The following PTPRM variants were observed in gnomAD, a reference collection of about 807,000 sequenced individuals.
PTPRM encodes the protein receptor-type tyrosine-protein phosphatase mu.
In PTPRM, 47 loss-of-function variants were observed where a neutral mutation model predicts 186.7. The observed-to-expected ratio is 0.25, with a 90% CI of 0.20 to 0.32. The LOEUF (loss-of-function observed/expected upper bound fraction) is 0.32, where lower values mean the gene tolerates loss of function less well. Among genes scored for constraint, PTPRM ranks in the 10% least tolerant of loss-of-function variants. The pLI is 1.00. For missense variants in PTPRM, 1,494 were observed against 1,865.0 expected (o/e 0.80, Z 3.66); for synonymous variants, 668 against 674.9 (o/e 0.99, Z 0.16).
chr18:7,713,651 G>T (rs1346119626), intron 1 of PTPRM, among the ~76,000 whole-genome samples: 1 of 150,146 alleles, frequency 6.7e-6, no homozygotes, highest in Non-Finnish European at 1.5e-5. Context: ...ACACGCATAG[G>T]CTCAAAATAA....
chr18:8,309,232 A>C (rs961791251), intron 20 of PTPRM, among the ~76,000 whole-genome samples: 1 of 152,114 alleles, frequency 6.6e-6, no homozygotes, highest in South Asian at 2.1e-4. Context: ...CTAACTAGCA[A>C]ATTGTTTCCC....
intron 19 of PTPRM, among the ~76,000 whole-genome samples, chr18:8,269,671 T>C (rs887697001): frequency 1.3e-5 from 2 of 152,056 alleles, no homozygotes; most frequent in African/African-American, 2.4e-5. Context: ...AGTATGATCC[T>C]AGCATAAAAA....
chr18:8,045,209 G>A (rs140257846), intron 7 of PTPRM, among the ~76,000 whole-genome samples: 29 of 152,248 alleles, frequency 1.9e-4, no homozygotes, highest in South Asian at 4.1e-4. Flanking sequence ...TTAGCTGGAC[G>A]TGATGGCATG....
chr18:8,338,144 A>G (rs2095451078), intron 22 of PTPRM, among the ~76,000 whole-genome samples: 1 of 152,002 alleles, frequency 6.6e-6, no homozygotes, highest in Non-Finnish European at 1.5e-5. Context: ...CTACCGGGTA[A>G]GCACAGACGC....
intron 20 of PTPRM, among the ~76,000 whole-genome samples, chr18:8,310,428 T>A (rs1481512476): frequency 6.7e-6 from 1 of 149,934 alleles, no homozygotes; most frequent in East Asian, 1.9e-4. Flanking sequence ...CCCACCACTC[T>A]CCTCCCTGGC....
At chr18:7,761,144 G>A (rs1200613411) in intron 1 of PTPRM, among the ~76,000 whole-genome samples, 1 of 152,172 alleles carries the variant, frequency 6.6e-6, no homozygotes, top group Admixed American at 6.5e-5. Flanking sequence ...CATGGAAAAG[G>A]ATGGGAAGGA....
chr18:7,755,533 C>T (rs766269653), intron 1 of PTPRM, among the ~76,000 whole-genome samples: 31 of 151,936 alleles, frequency 2.0e-4, no homozygotes, highest in Non-Finnish European at 3.5e-4. Flanking sequence ...AATTTGGGTC[C>T]GAAGCAAAAA....
intron 2 of PTPRM, among the ~76,000 whole-genome samples, chr18:7,803,630 A>G (rs981475195): frequency 1.3e-5 from 2 of 152,222 alleles, no homozygotes; most frequent in Non-Finnish European, 2.9e-5. Context: ...TAAATTTAGC[A>G]TGGCTGAAGG....
chr18:7,677,906 T>C (rs781316613), intron 1 of PTPRM, among the ~76,000 whole-genome samples: 1 of 152,094 alleles, frequency 6.6e-6, no homozygotes, highest in Non-Finnish European at 1.5e-5. Context: ...TAGATATCTG[T>C]TTATTTATTT....
intron 2 of PTPRM, among the ~76,000 whole-genome samples, chr18:7,848,504 T>C (rs775779273): frequency 1.9e-4 from 29 of 152,170 alleles, no homozygotes; most frequent in Non-Finnish European, 3.7e-4. Flanking sequence ...CTGAGGCTGG[T>C]GGCTCAAGCC....
chr18:7,663,043 G>A (rs73387591), intron 1 of PTPRM, among the ~76,000 whole-genome samples: 7,831 of 152,184 alleles, frequency 0.051, 247 homozygotes, highest in South Asian at 0.13. Flanking sequence ...TTCTTGGCAG[G>A]TCTGTGTGGC....
At chr18:8,095,176 G>A (rs990208129) in intron 11 of PTPRM, among the ~76,000 whole-genome samples, 1 of 152,234 alleles carries the variant, frequency 6.6e-6, no homozygotes, top group Admixed American at 6.5e-5. Context: ...CTAGTGTCCT[G>A]TAGTAAGTAG....
chr18:8,228,561 G>C (rs1371395024), intron 14 of PTPRM, among the ~76,000 whole-genome samples: 1 of 151,848 alleles, frequency 6.6e-6, no homozygotes, highest in African/African-American at 2.4e-5. Flanking sequence ...ATCAGAAATA[G>C]GCTGGGTGTG....
intron 2 of PTPRM, among the ~76,000 whole-genome samples, chr18:7,854,532 G>A (rs938516666): frequency 1.3e-5 from 2 of 152,064 alleles, no homozygotes; most frequent in Non-Finnish European, 2.9e-5. Flanking sequence ...GATACTGGCA[G>A]GTACTTGAAA....
intron 14 of PTPRM, among the ~76,000 whole-genome samples, chr18:8,219,020 C>T (rs1336024065): frequency 6.6e-6 from 1 of 152,190 alleles, no homozygotes; most frequent in African/African-American, 2.4e-5. Flanking sequence ...ATCCTGGAGA[C>T]TTGCAGGGCG....
chr18:7,661,536 C>T (rs977101820), intron 1 of PTPRM, among the ~76,000 whole-genome samples: 3 of 152,162 alleles, frequency 2.0e-5, no homozygotes, highest in Non-Finnish European at 4.4e-5. Flanking sequence ...AATTTCCAGG[C>T]TAGTAAATGG....
chr18:7,665,335 A>G (rs1598330485), intron 1 of PTPRM, among the ~76,000 whole-genome samples: 1 of 152,236 alleles, frequency 6.6e-6, no homozygotes, highest in African/African-American at 2.4e-5. Context: ...CTCAGCCTTG[A>G]ACTTTTCCTT....
intron 7 of PTPRM, among the ~76,000 whole-genome samples, chr18:7,981,484 A>G (rs768361062): frequency 2.3e-4 from 35 of 152,166 alleles, no homozygotes; most frequent in Non-Finnish European, 4.4e-4. Context: ...TACATCAATT[A>G]AAGTGTGAGG....
At chr18:8,145,834 T>TATATTTATAATCCA (rs2092871092) in intron 14 of PTPRM, among the ~76,000 whole-genome samples, 1 of 152,208 alleles carries the variant, frequency 6.6e-6, no homozygotes, top group Admixed American at 6.5e-5. Flanking sequence ...TTATAATCCT[T>TATATTTATAATCCA]TGGGTATATT....
Sources: allele counts gnomAD v4.1 joint callset (sites outside exome capture counted in the v4.1 genomes callset), GRCh38; gene constraint gnomAD v4.1.1; transcripts MANE v1.5; gene names NCBI Gene and HGNC (gene_info 2026-07-23, HGNC 2026-07-21).